The following GLI2 variants were observed in gnomAD, a reference collection of about 807,000 sequenced individuals.
GLI2 encodes the protein GLI family zinc finger 2.
In GLI2, 22 loss-of-function variants were observed where a neutral mutation model predicts 78.9. The observed-to-expected ratio is 0.28, with a 90% CI of 0.20 to 0.40. The LOEUF (loss-of-function observed/expected upper bound fraction) is 0.40, where lower values mean the gene tolerates loss of function less well. Among genes scored for constraint, GLI2 ranks in the 10% least tolerant of loss-of-function variants. The probability of loss-of-function intolerance (pLI) is 1.00; values close to 1 mark genes in which losing one functional copy is unlikely to be tolerated. For missense variants in GLI2, 2,097 were observed against 2,213.2 expected, an observed-to-expected ratio of 0.95 and a Z score of 1.05; for synonymous variants, 974 against 963.7, an observed-to-expected ratio of 1.01 and a Z score of -0.20.
intron 2 of GLI2, among the ~76,000 whole-genome samples, chr2:120,898,790 G>GA (rs1454661592): frequency 6.6e-6 from 1 of 152,170 alleles, no homozygotes. Flanking sequence ...GCAGCTCAGA[G>GA]AGGTGAAGCG....
chr2:120,808,574 G>T (rs538788397), intron 2 of GLI2, among the ~76,000 whole-genome samples: 1 of 152,186 alleles, frequency 6.6e-6, no homozygotes, highest in Non-Finnish European at 1.5e-5. Context: ...CGATGTCAGC[G>T]AGATCTTTGT....
In GLI2 at chr2:120,889,479, G is replaced by A. The variant is rs145422606; in HGVS notation, c.149-37882G>A. The stretch of plus-strand genomic sequence containing the variant: ...AGCATGATTCATAAAAGGAATGATT[G>A]ACACATTGGACCTCGCCAAAATCAA... On this transcript the variant is annotated intron_variant, in intron 2 of 13. Coordinates refer to ENST00000361492, the MANE Select transcript of GLI2 (RefSeq NM_001374353.1). Among the ~76,000 whole-genome samples the A allele has an allele frequency of 2.4e-3, 361 of 152,340 alleles. 3 individuals are homozygous for A. Among genetic ancestry groups the A allele is most frequent in the Middle Eastern group, 0.01 (3 of 294 alleles).
intron 2 of GLI2, among the ~76,000 whole-genome samples, chr2:120,865,812 T>C (rs985044863): frequency 2.6e-5 from 4 of 152,250 alleles, no homozygotes; most frequent in African/African-American, 7.2e-5. Context: ...CGCCTGCTCA[T>C]GCAGCCCCTC....
At position 120,827,237 on chromosome 2, in the gene GLI2, G is replaced by A. The variant is rs114965296; in HGVS notation, c.148+29769G>A. Among the ~76,000 whole-genome samples, 773 of 152,358 alleles carry A rather than the reference G, an allele frequency of 5.1e-3. 7 individuals are homozygous for A. Among genetic ancestry groups the A allele is most frequent in the African/African-American group, 0.017 (700 of 41,580 alleles). ...GGAGTTGGCACAGCCAAACCCGAGT[G>A]TCTGCTGATATGCTTCTTGCTAAGT... On this transcript the variant is annotated intron_variant, in intron 2 of 13. Coordinates refer to ENST00000361492, the MANE Select transcript of GLI2 (RefSeq NM_001374353.1).
intron 3 of GLI2, among the ~76,000 whole-genome samples, chr2:120,937,310 T>C (rs1232620297): frequency 1.3e-5 from 2 of 152,192 alleles, no homozygotes; most frequent in Admixed American, 6.5e-5. Flanking sequence ...ATAGATTTTG[T>C]AGCAGTGAAG....
At chr2:120,908,287 C>T (rs1391627040) in intron 2 of GLI2, among the ~76,000 whole-genome samples, 1 of 152,154 alleles carries the variant, frequency 6.6e-6, no homozygotes, top group African/African-American at 2.4e-5. Flanking sequence ...CCAAGACTGT[C>T]CAGAGCGTGG....
intron 2 of GLI2, among the ~76,000 whole-genome samples, chr2:120,839,015 T>C (rs1199580399): frequency 6.6e-6 from 1 of 152,242 alleles, no homozygotes; most frequent in Non-Finnish European, 1.5e-5. Context: ...AACCTGCATC[T>C]GGCAAGGGCC....
chr2:120,785,816 C>T (rs995443157), intron 1 of GLI2, among the ~76,000 whole-genome samples: 20 of 152,232 alleles, frequency 1.3e-4, no homozygotes, highest in African/African-American at 3.9e-4. Context: ...GCCTATCTCA[C>T]ACCCAGAGTT....
chr2:120,840,402 C>CTGTGCATGCACGCG (rs1358561464), intron 2 of GLI2, among the ~76,000 whole-genome samples: 3 of 152,206 alleles, frequency 2.0e-5, no homozygotes, highest in Non-Finnish European at 2.9e-5. Flanking sequence ...GTCTGCATGT[C>CTGTGCATGCACGCG]TGTGCATGCA....
chr2:120,765,118 T>TC (rs1683327750), intron 1 of GLI2, among the ~76,000 whole-genome samples: 1 of 151,998 alleles, frequency 6.6e-6, no homozygotes, highest in African/African-American at 2.4e-5. Context: ...TCCCTGAACC[T>TC]CCCCCTGCCC....
Position 120,988,863 on chromosome 2 carries a change from G to T in GLI2, c.2898G>T (p.Arg966=). 1 of 1,494,976 alleles carries T rather than the reference G, an allele frequency of 6.7e-7. No individual in the cohort carries two copies. The highest frequency in any genetic ancestry group is 2.8e-5 in the East Asian group (1 of 36,318). 92.6% of individuals were successfully genotyped at this position (1,494,976 alleles called of 1,614,324 possible). ...GGCCCGATGCCCTGTCCCTGCCGCGGGTGCAGCGCTTCCACAGCACCCACA... is the reference window on the plus strand; with the variant it reads ...GGCCCGATGCCCTGTCCCTGCCGCGTGTGCAGCGCTTCCACAGCACCCACA... ...VRRPDALSLP[R]VQRFHSTHNV... Residue 966 remains arginine (R), a synonymous_variant, in exon 14 of 14, where the codon CGG becomes CGT. Transcript: ENST00000361492.
intron 1 of GLI2, among the ~76,000 whole-genome samples, chr2:120,794,039 GC>G (rs762470906): frequency 6.6e-6 from 1 of 152,238 alleles, no homozygotes; most frequent in Non-Finnish European, 1.5e-5. Context: ...CACGGATGGA[GC>G]CTTCTAGTTA....
At chr2:120,739,900 A>AG in intron 1 of GLI2, among the ~76,000 whole-genome samples, 1 of 152,186 alleles carries the variant, frequency 6.6e-6, no homozygotes, top group Non-Finnish European at 1.5e-5. Context: ...GAAATCGGGG[A>AG]GGAAAAACTG....
At chr2:120,905,943 C>T (rs139966066) in intron 2 of GLI2, among the ~76,000 whole-genome samples, 195 of 152,154 alleles carry the variant, frequency 1.3e-3, no homozygotes, top group African/African-American at 4.4e-3. Context: ...GTCCCCTGCC[C>T]GTCGTTGGGC....
chr2:120,942,947 C>CTCAT (rs1228819697), intron 3 of GLI2, among the ~76,000 whole-genome samples: 2 of 143,966 alleles, frequency 1.4e-5, no homozygotes, highest in African/African-American at 2.9e-5. Context: ...CCCTCACTCA[C>CTCAT]TCATTCATTC....
intron 2 of GLI2, among the ~76,000 whole-genome samples, chr2:120,906,845 C>G (rs1187825214): frequency 6.6e-6 from 1 of 152,224 alleles, no homozygotes. Context: ...GTGGCAGAGT[C>G]CTGCTGGCCC....
At chr2:120,751,939 C>G (rs1682884609) in intron 1 of GLI2, among the ~76,000 whole-genome samples, 1 of 152,050 alleles carries the variant, frequency 6.6e-6, no homozygotes, top group Admixed American at 6.5e-5. Flanking sequence ...GGGAAGGCAG[C>G]CCATGAAGCC....
chr2:120,822,917 A>T (rs1362320350), intron 2 of GLI2, among the ~76,000 whole-genome samples: 3 of 152,166 alleles, frequency 2.0e-5, no homozygotes, highest in African/African-American at 7.2e-5. Context: ...GCTCTTCCTC[A>T]GGCAACCTTG....
At position 120,951,223 on chromosome 2, in the gene GLI2, G is replaced by T. The variant is rs1401896500; in HGVS notation, c.255-20G>T. The T allele has an allele frequency of 2.8e-6, 4 of 1,450,172 alleles. No individual in the cohort carries two copies. The highest frequency in any genetic ancestry group is 3.9e-6 in the Non-Finnish European group (4 of 1,030,604). 89.8% of individuals were successfully genotyped at this position (1,450,172 alleles called of 1,614,324 possible). A position where few individuals can be genotyped will look rare whatever the true frequency, so the allele number is the denominator to read the frequency against. On this transcript the variant is annotated intron_variant, in intron 3 of 13. Transcript: ENST00000361492. ...CCCTCTGTGTCCTCCTTCTTAGACG[G>T]CTGCCCATTGTCTCTGCAGGCCCCC...
Sources: allele counts gnomAD v4.1 joint callset (sites outside exome capture counted in the v4.1 genomes callset), GRCh38; gene constraint gnomAD v4.1.1; transcripts MANE v1.5; gene names NCBI Gene and HGNC (gene_info 2026-07-23, HGNC 2026-07-21).